Variants in FZD1 observed in about 807,000 individuals in gnomAD.
The protein encoded by FZD1 is frizzled-1.
Under a neutral mutation model 48.0 loss-of-function variants are expected in FZD1, and 22 were observed. The ratio of observed to expected loss-of-function variants is 0.46; its 90% CI spans 0.33 to 0.65. The LOEUF (loss-of-function observed/expected upper bound fraction) is 0.65, where lower values mean the gene tolerates loss of function less well. Among genes scored for constraint, FZD1 ranks in the 30% least tolerant of loss-of-function variants. The pLI is 0.02. For missense variants in FZD1, 843 were observed against 898.1 expected, an observed-to-expected ratio of 0.94 and a Z score of 0.78; for synonymous variants, 486 against 409.6, an observed-to-expected ratio of 1.19 and a Z score of -2.25.
chr7:91,269,940 A>G lies in FZD1; in HGVS notation c.*3116A>G, dbSNP rs1803945263. 6.0e-6 allele frequency: 1 copy of G among 167,106 alleles called. No homozygotes were observed. The highest frequency in any genetic ancestry group is 2.1e-4 in the South Asian group (1 of 4,830). 10.4% of individuals were successfully genotyped at this position (167,106 alleles called of 1,614,324 possible). A position where few individuals can be genotyped will look rare whatever the true frequency, so the allele number is the denominator to read the frequency against. On this transcript the variant is annotated 3_prime_UTR_variant, in exon 1 of 1. Coordinates refer to ENST00000287934, the MANE Select transcript of FZD1 (RefSeq NM_003505.2). ...TAAATTTGATGCAGAAAGGTTTTAC[A>G]TGCTGTGGTTAAATAGCTTTAGAAG...
rs1169880159 is a variant in FZD1 at position 91,264,454 on chromosome 7, G to A, written c.-427G>A. ...AACCGGTCCGAGGGCGCGCGAGGCA[G>A]AGGAGAGGGAGCGAGTTGAGGGATT... On this transcript the variant is annotated 5_prime_UTR_variant, in exon 1 of 1. Coordinates refer to ENST00000287934, the MANE Select transcript of FZD1 (RefSeq NM_003505.2). 4.3e-6 allele frequency: 1 copy of A among 234,398 alleles called. No individual in the cohort carries two copies. Among genetic ancestry groups the A allele is most frequent in the African/African-American group, 2.3e-5 (1 of 44,040 alleles). 14.5% of individuals were successfully genotyped at this position (234,398 alleles called of 1,614,324 possible).
In FZD1 at chr7:91,264,866, A is replaced by G. The variant is rs776331916; in HGVS notation, c.-15A>G. The G allele has an allele frequency of 2.2e-5, 28 of 1,282,412 alleles. No individual in the cohort carries two copies. Among genetic ancestry groups the G allele is most frequent in the Non-Finnish European group, 2.8e-5 (28 of 1,017,930 alleles). 79.4% of individuals were successfully genotyped at this position (1,282,412 alleles called of 1,614,324 possible). Reference sequence around the variant, plus strand: ...AGCCCCAGCGGAGCGGCGCCAAGAGAGGAGCCGAGAAAGTATGGCTGAGGA... The same window carrying G: ...AGCCCCAGCGGAGCGGCGCCAAGAGGGGAGCCGAGAAAGTATGGCTGAGGA... On this transcript the variant is annotated 5_prime_UTR_variant, in exon 1 of 1. Transcript: ENST00000287934.
Position 91,264,622 on chromosome 7 carries a change from G to A in FZD1, c.-259G>A. On this transcript the variant is annotated 5_prime_UTR_variant, in exon 1 of 1. Transcript: ENST00000287934. ...CGCCAGCCGGGAGCCAGCGAGCCGA[G>A]GGCCAGGAAGGCGGGACACGACCCC... is the stretch of plus-strand genomic sequence containing the variant. 2 of 382,024 alleles carry A rather than the reference G, an allele frequency of 5.2e-6. No homozygotes were observed. Among genetic ancestry groups the A allele is most frequent in the Non-Finnish European group, 9.3e-6 (2 of 215,760 alleles). 23.7% of individuals were successfully genotyped at this position (382,024 alleles called of 1,614,324 possible). A position where few individuals can be genotyped will look rare whatever the true frequency, so the allele number is the denominator to read the frequency against.
chr7:91,267,015 G>A lies in FZD1; in HGVS notation c.*191G>A, dbSNP rs1245210803. On this transcript the variant is annotated 3_prime_UTR_variant, in exon 1 of 1. Coordinates refer to ENST00000287934, the MANE Select transcript of FZD1 (RefSeq NM_003505.2). ...CTGAGGCAAAAGGACACGAGGGCCC[G>A]ACTGCCAGAGGGAGGATGGACAGAC... The A allele has an allele frequency of 8.9e-6, 5 of 561,548 alleles. No homozygotes were observed. In the Admixed American group the frequency reaches 1.7e-4, roughly 19 times the overall value. 34.8% of individuals were successfully genotyped at this position (561,548 alleles called of 1,614,324 possible).
At position 91,266,597 on chromosome 7, in the gene FZD1, A is replaced by T. The variant is rs1204961180; in HGVS notation, c.1717A>T (p.Ser573Cys). ...GTGGGAACGCAGCTGGGTGGCCCAG[A>T]GCTGCAAGAGCTACGCTATCCCCTG... ...DQWERSWVAQ[S>C]CKSYAIPCPH... The change falls in exon 1 of 1, where the codon AGC becomes TGC. Residue 573 changes from serine to cysteine, a missense_variant. Around this residue, in one of 2 missense-constraint regions of FZD1, gnomAD observed 353 missense variants for 431.6 expected, o/e 0.82. Coordinates refer to ENST00000287934, the MANE Select transcript of FZD1 (RefSeq NM_003505.2). This position sits in a 1 kb window ranked among gnomAD's most constrained non-coding sequence, Gnocchi z 6.8. The T allele has an allele frequency of 5.6e-6, 9 of 1,613,390 alleles. No individual in the cohort carries two copies. Among genetic ancestry groups the T allele is most frequent in the Non-Finnish European group, 7.6e-6 (9 of 1,180,010 alleles).
In FZD1 at chr7:91,269,790, C is replaced by T. The variant is rs1027438090; in HGVS notation, c.*2966C>T. On this transcript the variant is annotated 3_prime_UTR_variant, in exon 1 of 1. Coordinates refer to ENST00000287934, the MANE Select transcript of FZD1 (RefSeq NM_003505.2). ...ATAGTATTCTTAGGCCAAATTCACA[C>T]ATATCTCCTCACTAAGTAGTTCAAT... The T allele has an allele frequency of 6.0e-6, 1 of 167,062 alleles. No homozygotes were observed. Among genetic ancestry groups the T allele is most frequent in the African/African-American group, 2.4e-5 (1 of 41,586 alleles). The allele number at this position is 167,062 out of a possible 1,614,324, so 10.3% of individuals were successfully genotyped here.
In FZD1 at chr7:91,265,968, C is replaced by G. The variant is rs776239506; in HGVS notation, c.1088C>G (p.Thr363Arg). 12 of 1,614,140 alleles carry G rather than the reference C, an allele frequency of 7.4e-6. No individual in the cohort carries two copies. Among genetic ancestry groups the G allele is most frequent in the Non-Finnish European group, 7.6e-6 (9 of 1,180,022 alleles). ...RPIIFLSGCY[T>R]AVAVAYIAGF... The stretch of plus-strand genomic sequence containing the variant: ...ATCATCTTCTTGTCCGGCTGTTACA[C>G]GGCCGTGGCCGTGGCCTACATCGCC... Residue 363 changes from threonine (T) to arginine (R), a missense_variant, in exon 1 of 1, where the codon ACG becomes AGG. By Grantham distance (71) the Thr-to-Arg change is moderately conservative (BLOSUM62 -1). Transcript: ENST00000287934. This position sits in a 1 kb window ranked among gnomAD's most constrained non-coding sequence, Gnocchi z 6.9.
In FZD1 at chr7:91,270,299, G is replaced by A. The variant is rs989520382; in HGVS notation, c.*3475G>A. The A allele has an allele frequency of 1.2e-5, 2 of 166,920 alleles. No homozygotes were observed. The highest frequency in any genetic ancestry group is 2.4e-5 in the African/African-American group (1 of 41,386). 10.3% of individuals were successfully genotyped at this position (166,920 alleles called of 1,614,324 possible). A position where few individuals can be genotyped will look rare whatever the true frequency, so the allele number is the denominator to read the frequency against. On this transcript the variant is annotated 3_prime_UTR_variant, in exon 1 of 1. Coordinates refer to ENST00000287934, the MANE Select transcript of FZD1 (RefSeq NM_003505.2). Reference sequence around the variant, plus strand: ...TTCTGAAGCTCTTCTTTCTAAAAAAGCAGTTTTCCACTTAAGCTTTGTGGG... The same window carrying A: ...TTCTGAAGCTCTTCTTTCTAAAAAAACAGTTTTCCACTTAAGCTTTGTGGG...
Position 91,265,196 on chromosome 7 carries a change from C to A in FZD1, c.316C>A (p.Arg106=). 6.2e-7 allele frequency: 1 copy of A among 1,613,234 alleles called. No homozygotes were observed. Among genetic ancestry groups the A allele is most frequent in the South Asian group, 1.1e-5 (1 of 91,060 alleles). ...QQSGQQYNGE[R]GISVPDHGYC... ...GAGCGGGCAGCAGTACAACGGCGAGCGGGGCATCTCCGTCCCGGACCACGG... is the reference window on the plus strand; with the variant it reads ...GAGCGGGCAGCAGTACAACGGCGAGAGGGGCATCTCCGTCCCGGACCACGG... Residue 106 remains arginine (R), a synonymous_variant, in exon 1 of 1, where the codon CGG becomes AGG. Transcript: ENST00000287934. This position sits in a 1 kb window ranked among gnomAD's most constrained non-coding sequence, Gnocchi z 6.9.
chr7:91,265,198 G>A lies in FZD1; in HGVS notation c.318G>A (p.Arg106=). ...GCGGGCAGCAGTACAACGGCGAGCG[G>A]GGCATCTCCGTCCCGGACCACGGCT... The part of the protein sequence containing the change: ...QQSGQQYNGE[R]GISVPDHGYC... The change falls in exon 1 of 1, where the codon CGG becomes CGA. Residue 106 remains arginine, a synonymous_variant. Coordinates refer to ENST00000287934, the MANE Select transcript of FZD1 (RefSeq NM_003505.2). This position sits in a 1 kb window ranked among gnomAD's most constrained non-coding sequence, Gnocchi z 6.9. 6.2e-7 allele frequency: 1 copy of A among 1,613,460 alleles called. No homozygotes were observed. Among genetic ancestry groups the A allele is most frequent in the Non-Finnish European group, 8.5e-7 (1 of 1,179,898 alleles).
In FZD1 at chr7:91,265,164, A is replaced by T; in HGVS notation, c.284A>T (p.Gln95Leu). The T allele has an allele frequency of 6.2e-7, 1 of 1,610,316 alleles. No homozygotes were observed. Among genetic ancestry groups the T allele is most frequent in the South Asian group, 1.1e-5 (1 of 90,938 alleles). ...CAGCAACCGCCGCCGCCGCCTCAGC[A>T]GCAACAGAGCGGGCAGCAGTACAAC... ...PGQQPPPPPQQQQSGQQYNGE... is the reference protein window; with the variant it reads ...PGQQPPPPPQLQQSGQQYNGE... The change falls in exon 1 of 1, where the codon CAG becomes CTG. Residue 95 changes from glutamine to leucine, a missense_variant. Gln to Leu is a moderately radical substitution (Grantham distance 113). This residue lies in a region of FZD1 where 490 missense variants were observed against 466.5 expected (regional missense o/e 1.05). Transcript: ENST00000287934. This position sits in a 1 kb window ranked among gnomAD's most constrained non-coding sequence, Gnocchi z 6.9.
Position 91,269,091 on chromosome 7 carries a change from A to C in FZD1, c.*2267A>C, listed in dbSNP as rs1193292254. The C allele has an allele frequency of 6.0e-6, 1 of 166,812 alleles. No homozygotes were observed. Among genetic ancestry groups the C allele is most frequent in the Non-Finnish European group, 1.5e-5 (1 of 68,070 alleles). 10.3% of individuals were successfully genotyped at this position (166,812 alleles called of 1,614,324 possible). A position where few individuals can be genotyped will look rare whatever the true frequency, so the allele number is the denominator to read the frequency against. On this transcript the variant is annotated 3_prime_UTR_variant, in exon 1 of 1. Coordinates refer to ENST00000287934, the MANE Select transcript of FZD1 (RefSeq NM_003505.2). ...TTATTTTTAAATCATCACCTTTCTC[A>C]TATTTTTTAGAGGTATTGTCTTATC...
Position 91,265,034 on chromosome 7 carries a change from G to C in FZD1, c.154G>C (p.Ala52Pro), listed in dbSNP as rs1472847568. The part of the protein sequence containing the change: ...RRPPVDPRRL[A>P]RQLLLLLWLL... Reference sequence around the variant, plus strand: ...CCCGCCAGTTGACCCCCGGCGATTGGCGCGCCAGCTGCTGCTGCTGCTTTG... The same window carrying C: ...CCCGCCAGTTGACCCCCGGCGATTGCCGCGCCAGCTGCTGCTGCTGCTTTG... The change falls in exon 1 of 1, where the codon GCG becomes CCG. Residue 52 changes from alanine to proline, a missense_variant. Around this residue, in one of 2 missense-constraint regions of FZD1, gnomAD observed 490 missense variants for 466.5 expected, o/e 1.05. Coordinates refer to ENST00000287934, the MANE Select transcript of FZD1 (RefSeq NM_003505.2). This position sits in a 1 kb window ranked among gnomAD's most constrained non-coding sequence, Gnocchi z 6.9. The C allele has an allele frequency of 7.1e-7, 1 of 1,405,656 alleles. No homozygotes were observed. The highest frequency in any genetic ancestry group is 9.3e-7 in the Non-Finnish European group (1 of 1,080,248). 87.1% of individuals were successfully genotyped at this position (1,405,656 alleles called of 1,614,324 possible). A position where few individuals can be genotyped will look rare whatever the true frequency, so the allele number is the denominator to read the frequency against.
At position 91,265,708 on chromosome 7, in the gene FZD1, C is replaced by T. The variant is rs1284885739; in HGVS notation, c.828C>T (p.Cys276=). The change falls in exon 1 of 1, where the codon TGC becomes TGT. Residue 276 remains cysteine, a synonymous_variant. Coordinates refer to ENST00000287934, the MANE Select transcript of FZD1 (RefSeq NM_003505.2). This position sits in a 1 kb window ranked among gnomAD's most constrained non-coding sequence, Gnocchi z 6.9. ...AGASERGKFS[C]PRALKVPSYL... ...CGTCGGAGCGAGGCAAGTTCTCCTG[C>T]CCGCGCGCCCTCAAGGTGCCCTCCT... 1.9e-6 allele frequency: 3 copies of T among 1,603,824 alleles called. No homozygotes were observed. The highest frequency in any genetic ancestry group is 1.7e-6 in the Non-Finnish European group (2 of 1,175,790).
In FZD1 at chr7:91,265,114, G is replaced by T; in HGVS notation, c.234G>T (p.Gly78=). The T allele has an allele frequency of 6.7e-7, 1 of 1,495,120 alleles. No homozygotes were observed. Among genetic ancestry groups the T allele is most frequent in the Non-Finnish European group, 9.0e-7 (1 of 1,115,996 alleles). The allele number at this position is 1,495,120 out of a possible 1,614,324, so 92.6% of individuals were successfully genotyped here. A position where few individuals can be genotyped will look rare whatever the true frequency, so the allele number is the denominator to read the frequency against. The part of the protein sequence containing the change: ...LGVRAQAAGQ[G]PGQGPGPGQQ... Reference sequence around the variant, plus strand: ...TCCGGGCCCAGGCGGCGGGCCAGGGGCCAGGCCAGGGGCCCGGGCCGGGGC... The same window carrying T: ...TCCGGGCCCAGGCGGCGGGCCAGGGTCCAGGCCAGGGGCCCGGGCCGGGGC... The change falls in exon 1 of 1, where the codon GGG becomes GGT. Residue 78 remains glycine (G), a synonymous_variant. Coordinates refer to ENST00000287934, the MANE Select transcript of FZD1 (RefSeq NM_003505.2). The surrounding 1 kb of genome is among the most constrained non-coding windows in gnomAD (Gnocchi z 6.9).
rs1223366920 is a variant in FZD1, at chr7:91,266,210, TCA to T, written c.1333_1334del (p.Gln445ValfsTer37). On this transcript the variant is annotated frameshift_variant, in exon 1 of 1. Transcript: ENST00000287934. LOFTEE classifies it high-confidence loss of function. This position sits in a 1 kb window ranked among gnomAD's most constrained non-coding sequence, Gnocchi z 6.8. Reference sequence around the variant, plus strand: ...GGGCCACGAGGCCATCGAAGCCAACTCACAGTATTTTCACCTGGCCGCCTGGG... The same window carrying T: ...GGGCCACGAGGCCATCGAAGCCAACTCAGTATTTTCACCTGGCCGCCTGGG... ...KWGHEAIEAN[S>X]QYFHLAAWAV... 6.2e-7 allele frequency: 1 copy of T among 1,614,022 alleles called. No individual in the cohort carries two copies. The highest frequency in any genetic ancestry group is 8.5e-7 in the Non-Finnish European group (1 of 1,180,024).
In FZD1 at chr7:91,269,730, G is replaced by C. The variant is rs1436868690; in HGVS notation, c.*2906G>C. ...TTTGTTACATTAACATAATATAGTAGATAGAGGGTTTATTGTATAGACATA... is the reference window on the plus strand; with the variant it reads ...TTTGTTACATTAACATAATATAGTACATAGAGGGTTTATTGTATAGACATA... On this transcript the variant is annotated 3_prime_UTR_variant, in exon 1 of 1. Transcript: ENST00000287934. 6.0e-6 allele frequency: 1 copy of C among 166,806 alleles called. No individual in the cohort carries two copies. Among genetic ancestry groups the C allele is most frequent in the Non-Finnish European group, 1.5e-5 (1 of 68,088 alleles). The allele number at this position is 166,806 out of a possible 1,614,324, so 10.3% of individuals were successfully genotyped here. A position where few individuals can be genotyped will look rare whatever the true frequency, so the allele number is the denominator to read the frequency against.
Position 91,265,647 on chromosome 7 carries a change from G to A in FZD1, c.767G>A (p.Gly256Glu), listed in dbSNP as rs987926317. The change falls in exon 1 of 1, where the codon GGA becomes GAA. Residue 256 changes from glycine to glutamate, a missense_variant. Gly to Glu is a moderately conservative substitution (Grantham distance 98, BLOSUM62 -2). Transcript: ENST00000287934. The surrounding 1 kb of genome is among the most constrained non-coding windows in gnomAD (Gnocchi z 6.9). ...ACCAGCAACCCTCAGCACGGCGGCG[G>A]AGGGCACCGTGGCGGCTTCCCGGGG... ...FWTSNPQHGG[G>E]GHRGGFPGGA... is the part of the protein sequence containing the mutation. The A allele has an allele frequency of 6.4e-7, 1 of 1,572,536 alleles. No homozygotes were observed. The highest frequency in any genetic ancestry group is 1.8e-5 in the Admixed American group (1 of 55,734).
chr7:91,264,928 C>A lies in FZD1; in HGVS notation c.48C>A (p.Gly16=). 2 of 1,338,618 alleles carry A rather than the reference C, an allele frequency of 1.5e-6. No homozygotes were observed. Among genetic ancestry groups the A allele is most frequent in the South Asian group, 2.0e-5 (1 of 50,504 alleles). The allele number at this position is 1,338,618 out of a possible 1,614,324, so 82.9% of individuals were successfully genotyped here. Residue 16 remains glycine, a synonymous_variant, in exon 1 of 1, where the codon GGC becomes GGA. Transcript: ENST00000287934. ...AGAAGTCCCGGGCCGCCGGCGGTGG[C>A]GCGAGCTGGGAACTTTGTGCCGGGG... The part of the protein sequence containing the change: ...APKKSRAAGG[G]ASWELCAGAL...
Sources: allele counts gnomAD v4.1 joint callset, GRCh38; gene constraint gnomAD v4.1.1; regional missense constraint gnomAD v4.1.1; non-coding constraint Gnocchi (gnomAD v3.1); transcripts MANE v1.5; gene names NCBI Gene and HGNC (gene_info 2026-07-23, HGNC 2026-07-21).